RORA: variants seen among roughly 807,000 people sequenced by gnomAD.
The protein encoded by RORA is nuclear receptor ROR-alpha.
RORA carries 7 observed loss-of-function variants against 69.5 expected under a neutral mutation model. The observed-to-expected ratio is 0.10, with a 90% CI of 0.06 to 0.19. RORA has a LOEUF of 0.19. Ranked by LOEUF, RORA falls within the 10% of genes least tolerant of loss-of-function variation. The probability of loss-of-function intolerance (pLI) is 1.00; values close to 1 mark genes in which losing one functional copy is unlikely to be tolerated. For synonymous variants in RORA, 261 were observed against 240.8 expected, an observed-to-expected ratio of 1.08 and a Z score of -0.78; for missense variants, 457 against 663.0, an observed-to-expected ratio of 0.69 and a Z score of 3.41.
rs1216767042 is a variant in RORA, at chr15:60,491,395, A to C, written c.*6060T>G. 1.3e-5 allele frequency: 2 copies of C among 152,156 alleles called. No individual in the cohort carries two copies. Among genetic ancestry groups the C allele is most frequent in the Non-Finnish European group, 1.5e-5 (1 of 68,012 alleles). 9.4% of individuals were successfully genotyped at this position (152,156 alleles called of 1,614,324 possible). A position where few individuals can be genotyped will look rare whatever the true frequency, so the allele number is the denominator to read the frequency against. On this transcript the variant is annotated 3_prime_UTR_variant, in exon 11 of 11. Coordinates refer to ENST00000335670, the MANE Select transcript of RORA (RefSeq NM_134261.3). ...AAGTAAAAGAAGTGTGGTACTGCTA[A>C]TGTGGCAAAGTACATTAAATGTAAA...
intron 2 of RORA, among the ~76,000 whole-genome samples, chr15:60,547,005 G>A (rs950634352): frequency 1.3e-5 from 2 of 152,142 alleles, no homozygotes; most frequent in East Asian, 1.9e-4. Context: ...AGATGTGTAC[G>A]ATCAACAGTG....
intron 1 of RORA, among the ~76,000 whole-genome samples, chr15:60,952,660 G>C (rs1893144972): frequency 6.6e-6 from 1 of 152,072 alleles, no homozygotes; most frequent in African/African-American, 2.4e-5. Flanking sequence ...GACAAACAGA[G>C]AGCCAAATCA....
intron 1 of RORA, among the ~76,000 whole-genome samples, chr15:60,852,147 G>T (rs1215137547): frequency 6.6e-6 from 1 of 152,190 alleles, no homozygotes; most frequent in African/African-American, 2.4e-5. Context: ...ATGTGATTCA[G>T]CCAGAAGAGC....
intron 1 of RORA, among the ~76,000 whole-genome samples, chr15:60,882,156 C>G (rs1174856525): frequency 6.6e-6 from 1 of 151,388 alleles, no homozygotes. Context: ...TGGCGAACAC[C>G]CAAAGTTTTG....
intron 1 of RORA, among the ~76,000 whole-genome samples, chr15:60,815,284 A>C (rs2072793691): frequency 6.6e-6 from 1 of 152,160 alleles, no homozygotes; most frequent in Non-Finnish European, 1.5e-5. Context: ...GCATTTAAGG[A>C]ACTGTATTAG....
intron 1 of RORA, among the ~76,000 whole-genome samples, chr15:61,012,956 C>T (rs1486074355): frequency 6.6e-6 from 1 of 152,150 alleles, no homozygotes; most frequent in African/African-American, 2.4e-5. Context: ...CCAGCCTCAT[C>T]TAACTTCTTG....
Position 60,740,252 on chromosome 15 carries a change from T to C in RORA, c.167-61566A>G, listed in dbSNP as rs572844129. ...AACAACGTGTGGGCTACCCAGTTCG[T>C]TACCCCCCGCACTTCAGAAGAAAAA... is the stretch of plus-strand genomic sequence containing the variant. On this transcript the variant is annotated intron_variant, in intron 1 of 10. Transcript: ENST00000335670. 5.3e-5 allele frequency among the ~76,000 whole-genome samples: 8 copies of C among 151,698 alleles called. No homozygotes were observed. The South Asian group carries it at 1.7e-3, about 32-fold the overall frequency.
intron 3 of RORA, chr15:60,529,638 G>A (rs947027342): frequency 3.3e-5 from 5 of 152,164 alleles, no homozygotes; most frequent in Admixed American, 3.3e-4. Flanking sequence ...TAGAAAAATG[G>A]CAACTTTGGA....
intron 1 of RORA, among the ~76,000 whole-genome samples, chr15:60,983,608 C>T (rs1192794694): frequency 6.6e-6 from 1 of 152,178 alleles, no homozygotes; most frequent in Non-Finnish European, 1.5e-5. Context: ...CTCCATAAAC[C>T]TTTATCTTAA....
intron 1 of RORA, among the ~76,000 whole-genome samples, chr15:60,978,641 T>C (rs1893943923): frequency 6.6e-6 from 1 of 152,204 alleles, no homozygotes. Context: ...TTCTAAGAGA[T>C]TTATAACTTT....
intron 1 of RORA, among the ~76,000 whole-genome samples, chr15:61,227,555 T>C (rs1306242944): frequency 6.7e-6 from 1 of 149,844 alleles, no homozygotes; most frequent in Non-Finnish European, 1.5e-5. Flanking sequence ...GGAAAGCGCC[T>C]GGACAGGGGG....
chr15:60,794,737 T>A (rs1303958326), intron 1 of RORA, among the ~76,000 whole-genome samples: 2 of 152,234 alleles, frequency 1.3e-5, no homozygotes, highest in Non-Finnish European at 2.9e-5. Context: ...GTACTTCTAT[T>A]CTGATAGGGT....
intron 1 of RORA, among the ~76,000 whole-genome samples, chr15:60,798,845 C>CATGCT (rs2072537282): frequency 6.6e-6 from 1 of 151,948 alleles, no homozygotes; most frequent in South Asian, 2.1e-4. Flanking sequence ...AAAGTGGAGG[C>CATGCT]AAGCATGTGT....
chr15:60,666,903 G>A (rs1302321119), intron 2 of RORA, among the ~76,000 whole-genome samples: 3 of 152,184 alleles, frequency 2.0e-5, no homozygotes, highest in African/African-American at 7.2e-5. Context: ...AACCTTACAG[G>A]AGGTTGAATG....
At chr15:61,095,341 T>A (rs890856408) in intron 1 of RORA, among the ~76,000 whole-genome samples, 8 of 152,226 alleles carry the variant, frequency 5.3e-5, no homozygotes, top group African/African-American at 7.2e-5. Flanking sequence ...ATATATTTTT[T>A]AAAATACCTA....
intron 1 of RORA, among the ~76,000 whole-genome samples, chr15:60,714,663 T>C (rs2553229): frequency 0.61 from 92,785 of 152,010 alleles, 28,819 homozygotes; most frequent in East Asian, 0.73. Flanking sequence ...CCGTGCCTGG[T>C]CAATTATCTC....
At chr15:60,517,086 T>G (rs916721218) in intron 3 of RORA, among the ~76,000 whole-genome samples, 1 of 146,174 alleles carries the variant, frequency 6.8e-6, no homozygotes, top group South Asian at 2.2e-4. Flanking sequence ...AATCAGATTT[T>G]ATTTTTCTTT....
At position 60,493,945 on chromosome 15, in the gene RORA, C is replaced by T. The variant is rs1196627846; in HGVS notation, c.*3510G>A. On this transcript the variant is annotated 3_prime_UTR_variant, in exon 11 of 11. Transcript: ENST00000335670. ...CCGACGCACACACATCATACACATG[C>T]AAATCACACACACACACACACACAC... The T allele has an allele frequency of 9.0e-6, 1 of 111,406 alleles. No homozygotes were observed. The highest frequency in any genetic ancestry group is 3.0e-4 in the South Asian group (1 of 3,346). 6.9% of individuals were successfully genotyped at this position (111,406 alleles called of 1,614,324 possible).
At position 60,502,815 on chromosome 15, in the gene RORA, G is replaced by A; in HGVS notation, c.1128C>T (p.Asn376=). The A allele has an allele frequency of 1.2e-6, 2 of 1,614,062 alleles. No homozygotes were observed. Among genetic ancestry groups the A allele is most frequent in the Admixed American group, 1.7e-5 (1 of 60,024 alleles). Reference sequence around the variant, plus strand: ...ACTTCCCATCAAAGTACACGGTGTTGTTCTGAGAGTCAAAGGCACGGCACA... The same window carrying A: ...ACTTCCCATCAAAGTACACGGTGTTATTCTGAGAGTCAAAGGCACGGCACA... The part of the protein sequence containing the change: ...IRMCRAFDSQ[N]NTVYFDGKYA... The change falls in exon 8 of 11, where the codon AAC becomes AAT. Residue 376 remains asparagine (N), a synonymous_variant. Transcript: ENST00000335670.
Sources: allele counts gnomAD v4.1 joint callset (sites outside exome capture counted in the v4.1 genomes callset), GRCh38; gene constraint gnomAD v4.1.1; transcripts MANE v1.5; gene names NCBI Gene and HGNC (gene_info 2026-07-23, HGNC 2026-07-21).